Variants in LILRA6 observed in about 807,000 individuals in gnomAD.
LILRA6 encodes leukocyte immunoglobulin like receptor A6.
LILRA6 carries 16 observed loss-of-function variants against 53.9 expected under a neutral mutation model. That is an observed-to-expected ratio of 0.30 (90% CI 0.20 to 0.45). LILRA6 has a LOEUF of 0.45. Ranked by LOEUF, LILRA6 falls within the 20% of genes least tolerant of loss-of-function variation. The probability of loss-of-function intolerance (pLI) is 1.00; values close to 1 mark genes in which losing one functional copy is unlikely to be tolerated. For missense variants in LILRA6, 306 were observed against 618.6 expected, an observed-to-expected ratio of 0.49 and a Z score of 5.36; for synonymous variants, 135 against 256.4, an observed-to-expected ratio of 0.53 and a Z score of 4.52.
At chr19:54,240,319 G>A (rs1132604) in exon 6 of LILRA6, 45,688 of 1,513,950 alleles carry the variant, frequency 0.03, 2,402 homozygotes, top group African/African-American at 0.22. Flanking sequence ...GACAGCAGGT[G>A]GGGGTTGGAG....
At chr19:54,238,869 G>A (rs895772528) in exon 8 of LILRA6, 1 of 1,562,244 alleles carries the variant, frequency 6.4e-7, no homozygotes, top group Non-Finnish European at 8.7e-7. Flanking sequence ...GGAGGTCCTA[G>A]ATTGTCCTCC....
rs2078689959 is a variant in LILRA6 at position 54,239,533 on chromosome 19, C to A, written c.1309+368G>T. Reference sequence around the variant, plus strand: ...TTCTTTCCTAGTGTCCCAGAGCTCTCCTGGGTGCAGAGCCTGAGCTGAGCA... The same window carrying A: ...TTCTTTCCTAGTGTCCCAGAGCTCTACTGGGTGCAGAGCCTGAGCTGAGCA... On this transcript the variant is annotated intron_variant, in intron 7 of 7. Coordinates refer to ENST00000396365, the Ensembl canonical transcript of LILRA6. 7 of 741,556 alleles carry A rather than the reference C, an allele frequency of 9.4e-6. No individual in the cohort carries two copies. In the South Asian group the frequency reaches 1.2e-4, roughly 12 times the overall value. 45.9% of individuals were successfully genotyped at this position (741,556 alleles called of 1,614,324 possible). A position where few individuals can be genotyped will look rare whatever the true frequency, so the allele number is the denominator to read the frequency against.
chr19:54,242,117 T>C (rs11673178), exon 3 of LILRA6: 658,391 of 1,312,480 alleles, frequency 0.5, 156,597 homozygotes, highest in Middle Eastern at 0.54. Flanking sequence ...GGTGCTCTGT[T>C]ATGGATGGGA....
At chr19:54,239,111 G>A in intron 7 of LILRA6, 22 bp from the exon 8 acceptor site, 4 of 1,610,794 alleles carry the variant, frequency 2.5e-6, no homozygotes, top group Non-Finnish European at 3.4e-6. Context: ...GGGCAAAGAG[G>A]TCACAGAGGT....
At position 54,240,895 on chromosome 19, in the gene LILRA6, A is replaced by ATACG. The variant is rs1234637737; in HGVS notation, c.890_891insCGTA (p.Gly298ValfsTer27). 1 of 1,561,682 alleles carries ATACG rather than the reference A, an allele frequency of 6.4e-7. No individual in the cohort carries two copies. Among genetic ancestry groups the ATACG allele is most frequent in the Non-Finnish European group, 8.8e-7 (1 of 1,140,094 alleles). On this transcript the variant is annotated frameshift_variant, in exon 5 of 8. Coordinates refer to ENST00000396365, the Ensembl canonical transcript of LILRA6. LOFTEE classifies it high-confidence loss of function. ...ACTCGGAGGAGAGGTTGTGTGCACC[A>ATACG]TAGCACCTGTACTGGCCCCCGTGGG...
In LILRA6 at chr19:54,241,633, T is replaced by C. The variant is rs1173214525; in HGVS notation, c.601A>G (p.Met201Val). The C allele has an allele frequency of 1.1e-5, 16 of 1,497,268 alleles. 2 individuals are homozygous for C. Among genetic ancestry groups the C allele is most frequent in the Admixed American group, 5.3e-5 (3 of 56,624 alleles). The allele number at this position is 1,497,268 out of a possible 1,614,324, so 92.7% of individuals were successfully genotyped here. Residue 201 changes from methionine to valine, a missense_variant, in exon 4 of 8, where the codon ATG (methionine) becomes GTG (valine). This residue lies in a region of LILRA6 where 23 missense variants were observed against 31.3 expected (regional missense o/e 0.73). Coordinates refer to ENST00000396365, the Ensembl canonical transcript of LILRA6. ...TGGGACCACACCCGGGGGGTGTTCA[T>C]ATAATAGTAATAGCATGTGAACCTC...
In LILRA6 at chr19:54,241,866, T is replaced by C. The variant is rs1467467477; in HGVS notation, c.368A>G (p.Lys123Arg). 1.3e-5 allele frequency: 17 copies of C among 1,294,968 alleles called. No homozygotes were observed. The African/African-American group carries it at 2.3e-4, about 18-fold the overall frequency. 80.2% of individuals were successfully genotyped at this position (1,294,968 alleles called of 1,614,324 possible). ...GCTGGGCAGGGCTGAGAGGGTGGGT[T>C]TGCTATAGGCTCCTAGGAGAGAAAG... The change falls in exon 4 of 8, where the codon AAA becomes AGA. Residue 123 changes from lysine to arginine, a missense_variant. Transcript: ENST00000396365.
In LILRA6 at chr19:54,239,082, G is replaced by A. The variant is rs755182340; in HGVS notation, c.1317C>T (p.His439=). 78 of 1,611,056 alleles carry A rather than the reference G, an allele frequency of 4.8e-5. 2 individuals are homozygous for A. The highest frequency in any genetic ancestry group is 8.8e-5 in the South Asian group (8 of 90,948). ...GATTCTCCACTGTGTAATCCTTGGC[G>A]TGTGAGGCTGGGGATGGTGGGCAAA... is the stretch of plus-strand genomic sequence containing the variant. Residue 439 remains histidine, a synonymous_variant, in exon 8 of 8, where the codon CAC becomes CAT. Coordinates refer to ENST00000396365, the Ensembl canonical transcript of LILRA6.
At chr19:54,237,121 G>A (rs1254566485), downstream of LILRA6, 15 of 150,874 alleles carry the variant, frequency 9.9e-5, no homozygotes, top group Non-Finnish European at 1.5e-5. Flanking sequence ...CCAGCACTAT[G>A]GAAAGCCGAC....
Position 54,240,578 on chromosome 19 carries a change from TG to T in LILRA6, c.956-3del. The T allele has an allele frequency of 6.3e-7, 1 of 1,589,290 alleles. No homozygotes were observed. The highest frequency in any genetic ancestry group is 1.3e-5 in the African/African-American group (1 of 74,638). Reference sequence around the variant, plus strand: ...GGGAGACGGTGTCATAGATCTGTCCTGGAGAGAAGAAGGATGGGTGAGGGGC... The same window carrying T: ...GGGAGACGGTGTCATAGATCTGTCCTGAGAGAAGAAGGATGGGTGAGGGGC... On this transcript the variant is annotated splice_region_variant and splice_polypyrimidine_tract_variant and intron_variant, in intron 5 of 7. Transcript: ENST00000396365.
chr19:54,237,655 C>G (rs1425574402), downstream of LILRA6: 2 of 150,958 alleles, frequency 1.3e-5, no homozygotes, highest in East Asian at 3.9e-4. Flanking sequence ...ATTACATAAT[C>G]TATTTCCTTT....
exon 3 of LILRA6, chr19:54,242,085 T>C (rs777107367): frequency 1.4e-6 from 2 of 1,400,872 alleles, no homozygotes; most frequent in Admixed American, 1.9e-5. Context: ...GCTGTAATAG[T>C]GGCAGCGGTA....
intron 7 of LILRA6, 35 bp from the exon 8 acceptor site, chr19:54,239,124 G>A (rs1465878838): frequency 1.9e-6 from 3 of 1,608,982 alleles, no homozygotes; most frequent in Non-Finnish European, 2.5e-6. Flanking sequence ...ACAGAGGTCC[G>A]GGCAGATCAA....
chr19:54,241,203 A>G, intron 4 of LILRA6, 76 bp from the exon 5 acceptor site: 2 of 1,386,498 alleles, frequency 1.4e-6, no homozygotes, highest in Admixed American at 2.3e-5. Context: ...CTGGCCCTGC[A>G]GGTCTCACTG....
exon 6 of LILRA6, chr19:54,240,355 T>C (rs2078721361): frequency 2.5e-6 from 4 of 1,606,128 alleles, no homozygotes; most frequent in Non-Finnish European, 3.4e-6. Context: ...CACCTGTAGG[T>C]CCCCGCGTGG....
exon 6 of LILRA6, chr19:54,240,283 T>C (rs3193487): frequency 0.093 from 116,784 of 1,257,592 alleles, 2,269 homozygotes; most frequent in African/African-American, 0.39. Flanking sequence ...CCTGAGACCA[T>C]GAGTTCCAGG....
intron 7 of LILRA6, chr19:54,239,644 G>C (rs1250713344): frequency 6.9e-7 from 1 of 1,451,804 alleles, no homozygotes; most frequent in Non-Finnish European, 9.3e-7. Context: ...GGGGGTTGAG[G>C]GGCTGGTCCT....
intron 5 of LILRA6, 29 bp downstream of exon 5, chr19:54,240,802 T>TCC (rs1453400526): frequency 6.2e-7 from 1 of 1,612,340 alleles, no homozygotes; most frequent in African/African-American, 1.3e-5. Context: ...AGAGCCTGGG[T>TCC]CCCTGACTGA....
downstream of LILRA6, chr19:54,236,728 A>T (rs1237202875): frequency 6.6e-6 from 1 of 150,996 alleles, no homozygotes; most frequent in Non-Finnish European, 1.5e-5. Context: ...GCATAAAAAG[A>T]AGGAAATTGT....
Sources: allele counts gnomAD v4.1 joint callset, GRCh38; gene constraint gnomAD v4.1.1; regional missense constraint gnomAD v4.1.1; transcripts MANE v1.5; gene names NCBI Gene and HGNC (gene_info 2026-07-23, HGNC 2026-07-21).